The following ZNF107 variants were observed in gnomAD, a reference collection of about 807,000 sequenced individuals.
ZNF107 encodes C2H2 type zinc-finger protein.
ZNF107 carries 19 observed loss-of-function variants against 12.3 expected under a neutral mutation model. The ratio of observed to expected loss-of-function variants is 1.55; its 90% CI spans 1.08 to 2.27. The LOEUF (loss-of-function observed/expected upper bound fraction) is 2.27. Among genes scored for constraint, ZNF107 ranks in the 30% most tolerant of loss-of-function variants. ZNF107 has a pLI of 0.00. For missense variants in ZNF107, 958 were observed against 979.9 expected (o/e 0.98, Z 0.30); for synonymous variants, 317 against 330.5 (o/e 0.96, Z 0.44).
intron 1 of ZNF107, among the ~76,000 whole-genome samples, chr7:64,679,845 A>G (rs1437544606): frequency 6.6e-6 from 1 of 152,092 alleles, no homozygotes; most frequent in Non-Finnish European, 1.5e-5. Context: ...AAATGGTTTG[A>G]GGTTCCATAC....
intron 1 of ZNF107, chr7:64,686,629 CTG>C (rs1323418642): frequency 1.0e-6 from 1 of 985,438 alleles, no homozygotes; most frequent in Non-Finnish European, 1.2e-6. Flanking sequence ...ATTAAGAACT[CTG>C]TGACCAGCAC....
At chr7:64,693,834 G>GA (rs1790198627) in intron 3 of ZNF107, among the ~76,000 whole-genome samples, 2 of 152,000 alleles carry the variant, frequency 1.3e-5, no homozygotes, top group African/African-American at 4.8e-5. Flanking sequence ...TCTTGCCCAG[G>GA]CTGGAGTGCA....
chr7:64,682,655 C>G (rs1307385231), intron 1 of ZNF107, among the ~76,000 whole-genome samples: 1 of 152,132 alleles, frequency 6.6e-6, no homozygotes, highest in Non-Finnish European at 1.5e-5. Context: ...GCTGGCTGCC[C>G]TGTTTACATG....
intron 1 of ZNF107, among the ~76,000 whole-genome samples, chr7:64,667,951 CA>C (rs56005729): frequency 1.1e-3 from 148 of 138,812 alleles, no homozygotes; most frequent in African/African-American, 2.8e-3. Flanking sequence ...TTCCAGAAGA[CA>C]AAAAAAAAAA....
chr7:64,670,691 G>A (rs12667199), intron 1 of ZNF107, among the ~76,000 whole-genome samples: 7,153 of 152,152 alleles, frequency 0.047, 449 homozygotes, highest in African/African-American at 0.14. Flanking sequence ...TTTATTAATC[G>A]CAGCTATTTA....
At position 64,691,903 on chromosome 7, in the gene ZNF107, G is replaced by T. The variant is rs368806715; in HGVS notation, c.169G>T (p.Glu57Ter). The part of the protein sequence containing the change: ...VSKPYLITCL[E>*]QKKEPWNIKR... ...TAAGCCATATCTGATCACCTGTCTG[G>T]AGCAAAAAAAAGAGCCCTGGAATAT... The change falls in exon 3 of 4, where the codon GAG (glutamate) becomes TAG (stop). Residue 57 changes from glutamate to a stop codon, truncating the protein, a stop_gained. Transcript: ENST00000620827. LOFTEE classifies it high-confidence loss of function. The T allele has an allele frequency of 6.6e-6, 10 of 1,522,144 alleles. No homozygotes were observed. The highest frequency in any genetic ancestry group is 1.3e-5 in the South Asian group (1 of 77,894). The allele number at this position is 1,522,144 out of a possible 1,614,324, so 94.3% of individuals were successfully genotyped here.
chr7:64,678,047 G>A (rs1340565842), intron 1 of ZNF107, among the ~76,000 whole-genome samples: 1 of 151,922 alleles, frequency 6.6e-6, no homozygotes, highest in East Asian at 1.9e-4. Flanking sequence ...TTGTTGTTTT[G>A]AACGATACAT....
chr7:64,677,151 T>C (rs1789443823), intron 1 of ZNF107, among the ~76,000 whole-genome samples: 1 of 151,834 alleles, frequency 6.6e-6, no homozygotes, highest in Admixed American at 6.6e-5. Flanking sequence ...GTCTTGTCAT[T>C]TTTCTGGATT....
chr7:64,688,257 C>CTTTTT (rs36082192), intron 1 of ZNF107, among the ~76,000 whole-genome samples: 2 of 133,326 alleles, frequency 1.5e-5, no homozygotes, highest in South Asian at 2.4e-4. Context: ...CCTTCCTCCT[C>CTTTTT]TTTTTTTTTT....
chr7:64,688,303 C>A (rs542827090), intron 1 of ZNF107, among the ~76,000 whole-genome samples: 58 of 145,922 alleles, frequency 4.0e-4, no homozygotes, highest in Non-Finnish European at 5.9e-4. Context: ...GTTGCCCAGG[C>A]TGGAGTGCAG....
chr7:64,701,525 A>G (rs1020149156), intron 3 of ZNF107, among the ~76,000 whole-genome samples: 3 of 151,764 alleles, frequency 2.0e-5, no homozygotes, highest in Admixed American at 6.6e-5. Flanking sequence ...AGTGTTAGCC[A>G]CTGTGCCAGG....
chr7:64,690,872 A>G (rs1790094090), intron 1 of ZNF107, among the ~76,000 whole-genome samples: 1 of 151,886 alleles, frequency 6.6e-6, no homozygotes, highest in Admixed American at 6.6e-5. Flanking sequence ...CTCCCTAGTA[A>G]CTGGGATTAC....
At chr7:64,671,708 G>C (rs1025091224) in intron 1 of ZNF107, among the ~76,000 whole-genome samples, 20 of 151,272 alleles carry the variant, frequency 1.3e-4, no homozygotes, top group Admixed American at 1.3e-3. Context: ...GGGTGGTTTC[G>C]TGTGCAGATT....
chr7:64,682,512 TG>T lies in ZNF107; in HGVS notation c.4-8734del, dbSNP rs377392152. ...AAAGCTCTTGAGACAGCCTCCTCACTGGCGTTCCTCGACTCCACCCAGCCCT... is the reference window on the plus strand; with the variant it reads ...AAAGCTCTTGAGACAGCCTCCTCACTGCGTTCCTCGACTCCACCCAGCCCT... On this transcript the variant is annotated intron_variant, in intron 1 of 3. Transcript: ENST00000620827. 2.0e-3 allele frequency among the ~76,000 whole-genome samples: 305 copies of T among 152,254 alleles called. 3 individuals carry two copies. The highest frequency in any genetic ancestry group is 6.5e-3 in the African/African-American group (269 of 41,556).
intron 1 of ZNF107, among the ~76,000 whole-genome samples, chr7:64,682,516 G>A (rs530062782): frequency 1.0e-3 from 157 of 152,134 alleles, no homozygotes; most frequent in African/African-American, 3.6e-3. Context: ...CCTCACTGGC[G>A]TTCCTCGACT....
intron 3 of ZNF107, among the ~76,000 whole-genome samples, chr7:64,697,779 C>G (rs1283899098): frequency 6.6e-6 from 1 of 151,580 alleles, no homozygotes; most frequent in African/African-American, 2.4e-5. Flanking sequence ...CAAGCTCCGC[C>G]TCCCGGGTTC....
intron 3 of ZNF107, 23 bp from the exon 4 acceptor site, chr7:64,706,301 T>C (rs749182500): frequency 1.3e-6 from 2 of 1,498,206 alleles, no homozygotes; most frequent in Non-Finnish European, 1.8e-6. Context: ...AGTGGAGTAA[T>C]TTATTATTTT....
At chr7:64,682,896 T>A (rs1789741802) in intron 1 of ZNF107, among the ~76,000 whole-genome samples, 1 of 152,160 alleles carries the variant, frequency 6.6e-6, no homozygotes, top group Non-Finnish European at 1.5e-5. Flanking sequence ...ACCCAACACA[T>A]GTCCTGAGCC....
At chr7:64,700,060 CAAAA>C in intron 3 of ZNF107, among the ~76,000 whole-genome samples, 2 of 96,802 alleles carry the variant, frequency 2.1e-5, no homozygotes, top group South Asian at 4.0e-4. Flanking sequence ...GACTCCATCT[CAAAA>C]AAAAAAAAAA....
Sources: allele counts gnomAD v4.1 joint callset (sites outside exome capture counted in the v4.1 genomes callset), GRCh38; gene constraint gnomAD v4.1.1; transcripts MANE v1.5; gene names NCBI Gene and HGNC (gene_info 2026-07-23, HGNC 2026-07-21).